Variants in CNBD1 observed in about 807,000 individuals in gnomAD.
The protein encoded by CNBD1 is cyclic nucleotide-binding domain-containing protein 1.
CNBD1 carries 71 observed loss-of-function variants against 54.4 expected under a neutral mutation model. The ratio of observed to expected loss-of-function variants is 1.30; its 90% CI spans 1.08 to 1.59. CNBD1 has a LOEUF of 1.59. Among genes scored for constraint, CNBD1 ranks in the 40% most tolerant of loss-of-function variants. The pLI, the probability that CNBD1 is intolerant of heterozygous loss-of-function variation, is 0.00. For missense variants in CNBD1, 659 were observed against 518.0 expected (o/e 1.27, Z -2.64); for synonymous variants, 182 against 170.7 (o/e 1.07, Z -0.51).
chr8:86,974,872 T>C (rs1808306347), intron 4 of CNBD1, among the ~76,000 whole-genome samples: 1 of 152,036 alleles, frequency 6.6e-6, no homozygotes, highest in African/African-American at 2.4e-5. Context: ...GTTTCATCCA[T>C]ATCTTTTACA....
intron 8 of CNBD1, among the ~76,000 whole-genome samples, chr8:87,297,071 C>T (rs1356003198): frequency 6.9e-6 from 1 of 145,392 alleles, no homozygotes; most frequent in Non-Finnish European, 1.5e-5. Context: ...CCAGCTACTC[C>T]GGAGGCTGAG....
chr8:87,193,200 A>C (rs996155391), intron 4 of CNBD1, among the ~76,000 whole-genome samples: 2 of 152,200 alleles, frequency 1.3e-5, no homozygotes, highest in Non-Finnish European at 2.9e-5. Flanking sequence ...TTCCCATAGC[A>C]TATGGGACTG....
chr8:86,939,553 A>G (rs371104193), intron 3 of CNBD1, 43 bp from the exon 4 acceptor site: 8 of 1,342,064 alleles, frequency 6.0e-6, no homozygotes, highest in Admixed American at 2.6e-5. Flanking sequence ...AATAATTTTT[A>G]TGCAGTATAC....
At chr8:87,274,189 G>A (rs971070226) in intron 6 of CNBD1, among the ~76,000 whole-genome samples, 1 of 151,456 alleles carries the variant, frequency 6.6e-6, no homozygotes, top group African/African-American at 2.4e-5. Flanking sequence ...ATTTGGGTTG[G>A]TTCCAAGTCT....
intron 2 of CNBD1, among the ~76,000 whole-genome samples, chr8:87,414,529 TA>T (rs1294491721): frequency 1.3e-5 from 2 of 151,598 alleles, no homozygotes; most frequent in East Asian, 1.9e-4. Flanking sequence ...TAATAATAAA[TA>T]AAAAAAGAAA....
At chr8:87,145,677 G>T (rs1418368083) in intron 4 of CNBD1, among the ~76,000 whole-genome samples, 3 of 152,008 alleles carry the variant, frequency 2.0e-5, no homozygotes, top group African/African-American at 7.2e-5. Context: ...TTTGTGAGAG[G>T]GTTTATAATC....
At chr8:87,155,959 C>G (rs899733760) in intron 4 of CNBD1, among the ~76,000 whole-genome samples, 1 of 152,074 alleles carries the variant, frequency 6.6e-6, no homozygotes, top group South Asian at 2.1e-4. Flanking sequence ...AGCACTATTA[C>G]ACTATTATCA....
chr8:87,412,550 T>G (rs76005043), intron 2 of CNBD1, among the ~76,000 whole-genome samples: 35 of 152,212 alleles, frequency 2.3e-4, no homozygotes, highest in African/African-American at 7.7e-4. Context: ...TGAGGCTAAA[T>G]TTCACCAAGA....
chr8:87,245,679 C>A (rs1439131335), intron 6 of CNBD1, among the ~76,000 whole-genome samples: 1 of 151,840 alleles, frequency 6.6e-6, no homozygotes, highest in Admixed American at 6.6e-5. Context: ...TGTTTGCATG[C>A]CTTCTGTGAA....
At chr8:87,211,676 A>T (rs1311596849) in intron 5 of CNBD1, among the ~76,000 whole-genome samples, 5 of 152,082 alleles carry the variant, frequency 3.3e-5, no homozygotes, top group Non-Finnish European at 5.9e-5. Context: ...TTTACCTTCT[A>T]CTATGAGTAA....
chr8:86,960,365 C>A (rs1266826915), intron 4 of CNBD1, among the ~76,000 whole-genome samples: 2 of 152,174 alleles, frequency 1.3e-5, no homozygotes, highest in Non-Finnish European at 2.9e-5. Context: ...GGGTCCCACA[C>A]CCACAGAGCC....
intron 4 of CNBD1, among the ~76,000 whole-genome samples, chr8:87,183,475 C>G (rs1813402250): frequency 6.8e-6 from 1 of 147,552 alleles, no homozygotes; most frequent in Admixed American, 6.8e-5. Context: ...GTTTCAGACT[C>G]CTCTTGTATC....
chr8:87,377,436 AATG>A, intron 10 of CNBD1, among the ~76,000 whole-genome samples: 1 of 151,854 alleles, frequency 6.6e-6, no homozygotes, highest in South Asian at 2.1e-4. Flanking sequence ...GTTTATTGAG[AATG>A]ATGATTTCCA....
chr8:87,087,262 C>CGTATATATATATATATATGTAT lies in CNBD1; in HGVS notation c.432-118731_432-118730insGTATATATATATATATATGTAT, dbSNP rs1563463344. On this transcript the variant is annotated intron_variant, in intron 4 of 10. Transcript: ENST00000518476. ...ATATATATACGTATATATATATATA[C>CGTATATATATATATATATGTAT]ATATATATATACGTATATATATATA... Among the ~76,000 whole-genome samples the CGTATATATATATATATATGTAT allele has an allele frequency of 2.2e-5, 3 of 135,102 alleles. No individual in the cohort carries two copies. In the East Asian group the frequency reaches 6.2e-4, roughly 28 times the overall value. The allele number at this position is 135,102 out of a possible 152,430, so 88.6% of individuals were successfully genotyped here.
At chr8:86,924,821 A>G (rs1181546846) in intron 3 of CNBD1, among the ~76,000 whole-genome samples, 2 of 152,188 alleles carry the variant, frequency 1.3e-5, no homozygotes, top group African/African-American at 2.4e-5. Flanking sequence ...GTATCGTAAT[A>G]ATCATCTCTG....
At chr8:87,170,429 G>A (rs576468092) in intron 4 of CNBD1, among the ~76,000 whole-genome samples, 28 of 151,966 alleles carry the variant, frequency 1.8e-4, no homozygotes, top group African/African-American at 5.8e-4. Flanking sequence ...TTATCTGATC[G>A]CTCTAGCTAG....
At chr8:86,976,371 T>G (rs1452953193) in intron 4 of CNBD1, among the ~76,000 whole-genome samples, 1 of 151,872 alleles carries the variant, frequency 6.6e-6, no homozygotes, top group African/African-American at 2.4e-5. Context: ...GTTCTTACAT[T>G]TAAGTCTTTA....
At chr8:87,239,342 A>G (rs1774901152) in intron 6 of CNBD1, among the ~76,000 whole-genome samples, 2 of 151,958 alleles carry the variant, frequency 1.3e-5, no homozygotes, top group African/African-American at 4.8e-5. Context: ...GTGTTATGAA[A>G]CATGCTGCTC....
At chr8:87,337,291 G>A (rs1415092764) in intron 8 of CNBD1, among the ~76,000 whole-genome samples, 1 of 152,150 alleles carries the variant, frequency 6.6e-6, no homozygotes, top group African/African-American at 2.4e-5. Flanking sequence ...AGTTATCAGA[G>A]CTAGGAGGAG....
Sources: allele counts gnomAD v4.1 joint callset (sites outside exome capture counted in the v4.1 genomes callset), GRCh38; gene constraint gnomAD v4.1.1; transcripts MANE v1.5; gene names NCBI Gene and HGNC (gene_info 2026-07-23, HGNC 2026-07-21).